The following PDE1C variants were observed in gnomAD, a reference collection of about 807,000 sequenced individuals.
The protein encoded by PDE1C is dual specificity calcium/calmodulin-dependent 3',5'-cyclic nucleotide phosphodiesterase 1C.
In PDE1C, 62 loss-of-function variants were observed where a neutral mutation model predicts 93.1. That is an observed-to-expected ratio of 0.67 (90% CI 0.54 to 0.82). PDE1C has a LOEUF of 0.82. Among genes scored for constraint, PDE1C ranks in the 40% least tolerant of loss-of-function variants. PDE1C has a pLI of 0.00. For missense variants in PDE1C, 742 were observed against 884.6 expected (o/e 0.84, Z 2.04); for synonymous variants, 325 against 310.1 (o/e 1.05, Z -0.50).
chr7:31,965,462 A>C (rs973208981), intron 2 of PDE1C, among the ~76,000 whole-genome samples: 4 of 152,234 alleles, frequency 2.6e-5, no homozygotes, highest in Admixed American at 6.5e-5. Context: ...ACTATGTGAA[A>C]AGACCAAATC....
chr7:32,202,652 C>A (rs919286897), intron 2 of PDE1C, among the ~76,000 whole-genome samples: 2 of 152,244 alleles, frequency 1.3e-5, no homozygotes, highest in Middle Eastern at 3.4e-3. Flanking sequence ...CCCTTGTGGG[C>A]AAGCAGAGAA....
Position 32,236,627 on chromosome 7 carries a change from T to C in PDE1C, c.86-27088A>G, listed in dbSNP as rs146546345. ...ATACTACTCTGTATCTCAGGCTATA[T>C]AGGATGGCTAAGATTAAAAATTTTG... On this transcript the variant is annotated intron_variant, in intron 1 of 18. Coordinates refer to the PDE1C transcript ENST00000396193. Among the ~76,000 whole-genome samples, 649 of 152,262 alleles carry C rather than the reference T, an allele frequency of 4.3e-3. 5 individuals are homozygous for C. Among genetic ancestry groups the C allele is most frequent in the African/African-American group, 0.012 (519 of 41,534 alleles).
chr7:31,866,380 C>T (rs1795298305), intron 6 of PDE1C, among the ~76,000 whole-genome samples: 1 of 152,092 alleles, frequency 6.6e-6, no homozygotes, highest in Non-Finnish European at 1.5e-5. Context: ...TCCAATGAAC[C>T]TGGGCTCCTT....
the PDE1C span, among the ~76,000 whole-genome samples, chr7:31,668,211 C>T: frequency 1.3e-5 from 2 of 152,114 alleles, no homozygotes; most frequent in South Asian, 4.1e-4. Flanking sequence ...TTGGAACCCT[C>T]TTACATTGCT....
chr7:32,419,879 G>A (rs1562716176), intron 1 of PDE1C, among the ~76,000 whole-genome samples: 1 of 151,258 alleles, frequency 6.6e-6, no homozygotes, highest in East Asian at 2.0e-4. Context: ...TCCGCTGTGT[G>A]ACCAGAGCAA....
intron 1 of PDE1C, among the ~76,000 whole-genome samples, chr7:32,312,734 A>G (rs1366249404): frequency 6.6e-6 from 1 of 152,164 alleles, no homozygotes; most frequent in Non-Finnish European, 1.5e-5. Flanking sequence ...CCTTCCTTAC[A>G]CCTTACACAA....
At chr7:31,871,554 T>C (rs1478584351) in intron 6 of PDE1C, among the ~76,000 whole-genome samples, 2 of 151,768 alleles carry the variant, frequency 1.3e-5, no homozygotes, top group Non-Finnish European at 2.9e-5. Context: ...GGCAAAGATA[T>C]AGACATTTCT....
chr7:31,799,517 T>G (rs565326989), intron 16 of PDE1C, among the ~76,000 whole-genome samples: 1 of 151,802 alleles, frequency 6.6e-6, no homozygotes, highest in East Asian at 1.9e-4. Flanking sequence ...TTCATTTATG[T>G]ACTCCATTTC....
At chr7:31,995,758 C>T (rs1000429941) in intron 2 of PDE1C, among the ~76,000 whole-genome samples, 1 of 152,014 alleles carries the variant, frequency 6.6e-6, no homozygotes, top group Non-Finnish European at 1.5e-5. Context: ...CAACTGGTCT[C>T]CTAGCAAAGG....
intron 7 of PDE1C, among the ~76,000 whole-genome samples, chr7:31,856,937 G>A (rs1352507197): frequency 6.6e-6 from 1 of 152,106 alleles, no homozygotes; most frequent in African/African-American, 2.4e-5. Flanking sequence ...TCCTTGCCTT[G>A]CAGACAGCTA....
chr7:32,143,684 A>C (rs973455550), intron 3 of PDE1C, among the ~76,000 whole-genome samples: 3 of 152,084 alleles, frequency 2.0e-5, no homozygotes, highest in African/African-American at 7.2e-5. Flanking sequence ...TCACATTTTA[A>C]AGGGCAAAAT....
Position 31,933,534 on chromosome 7 carries a change from G to A in PDE1C, c.129-52674C>T, listed in dbSNP as rs75582693. Among the ~76,000 whole-genome samples the A allele has an allele frequency of 9.0e-3, 1,364 of 152,284 alleles. 22 individuals carry two copies. The highest frequency in any genetic ancestry group is 0.031 in the African/African-American group (1,278 of 41,544). ...CTAATAGGGCCCATTGCATAAACAA[G>A]TGCATTGTGTAACAGTTTTAGGATG... On this transcript the variant is annotated intron_variant, in intron 2 of 17. Coordinates refer to ENST00000396191, the MANE Select transcript of PDE1C (RefSeq NM_001191057.4).
chr7:31,749,149 T>C (rs780629258), downstream of PDE1C, among the ~76,000 whole-genome samples: 4 of 152,118 alleles, frequency 2.6e-5, no homozygotes, highest in Non-Finnish European at 4.4e-5. Context: ...CTTAACTGGC[T>C]TGCAGAAGGA....
At position 32,210,246 on chromosome 7, in the gene PDE1C, A is replaced by G. The variant is rs1486146440; in HGVS notation, c.86-707T>C. ...AAGAGATTGGTTGTTAAGGGGAAAC[A>G]CAGGTTTCACTCATTTTAAATACCA... On this transcript the variant is annotated intron_variant, in intron 1 of 18. Transcript: ENST00000396193. Among the ~76,000 whole-genome samples, 4 of 152,204 alleles carry G rather than the reference A, an allele frequency of 2.6e-5. 1 individual carries two copies. The highest frequency in any genetic ancestry group is 4.4e-5 in the Non-Finnish European group (3 of 68,040).
At chr7:32,415,518 G>C (rs1199872580) in intron 1 of PDE1C, among the ~76,000 whole-genome samples, 1 of 151,990 alleles carries the variant, frequency 6.6e-6, no homozygotes, top group East Asian at 1.9e-4. Flanking sequence ...TCTCAAAGAG[G>C]AAAAAAAGAG....
chr7:32,397,343 AT>A (rs1171397063), intron 1 of PDE1C, among the ~76,000 whole-genome samples: 1 of 152,162 alleles, frequency 6.6e-6, no homozygotes, highest in Non-Finnish European at 1.5e-5. Flanking sequence ...TTCATCCATA[AT>A]TTTTTGATGC....
chr7:31,634,588 A>G, the PDE1C span, among the ~76,000 whole-genome samples: 1 of 152,184 alleles, frequency 6.6e-6, no homozygotes, highest in African/African-American at 2.4e-5. Context: ...TAGATGGTTC[A>G]GCATGGAGCC....
chr7:32,322,158 C>T (rs1783306339), intron 1 of PDE1C, among the ~76,000 whole-genome samples: 1 of 152,132 alleles, frequency 6.6e-6, no homozygotes, highest in South Asian at 2.1e-4. Context: ...CTGAGCTATC[C>T]AGTAACTTGC....
intron 1 of PDE1C, among the ~76,000 whole-genome samples, chr7:32,228,132 T>C (rs574042920): frequency 6.6e-6 from 1 of 152,366 alleles, no homozygotes; most frequent in Admixed American, 6.5e-5. Flanking sequence ...GGCTTCAAGG[T>C]AGTTTGTTAC....
Sources: allele counts gnomAD v4.1 joint callset (sites outside exome capture counted in the v4.1 genomes callset), GRCh38; gene constraint gnomAD v4.1.1; transcripts MANE v1.5; gene names NCBI Gene and HGNC (gene_info 2026-07-23, HGNC 2026-07-21).